Variants in RBMS3 observed in about 807,000 individuals in gnomAD.
RBMS3 encodes RNA binding motif single stranded interacting protein 3, also known as RNA-binding motif, single-stranded-interacting protein 3.
RBMS3 carries 27 observed loss-of-function variants against 66.8 expected under a neutral mutation model. The ratio of observed to expected loss-of-function variants is 0.40; its 90% CI spans 0.30 to 0.56. RBMS3 has a LOEUF of 0.56. Ranked by LOEUF, RBMS3 falls within the 20% of genes least tolerant of loss-of-function variation. The pLI, the probability that RBMS3 is intolerant of heterozygous loss-of-function variation, is 0.40. For missense variants in RBMS3, 513 were observed against 549.5 expected (o/e 0.93, Z 0.66); for synonymous variants, 188 against 183.0 (o/e 1.03, Z -0.22).
chr3:29,865,042 AAGG>A (rs1307850432), intron 6 of RBMS3, among the ~76,000 whole-genome samples: 2 of 124,614 alleles, frequency 1.6e-5, no homozygotes, highest in Non-Finnish European at 3.3e-5. Flanking sequence ...GGGAGGGAGG[AAGG>A]AGGGAAGGAA....
intron 2 of RBMS3, among the ~76,000 whole-genome samples, chr3:29,477,913 G>A (rs1229580907): frequency 6.6e-6 from 1 of 152,070 alleles, no homozygotes; most frequent in Non-Finnish European, 1.5e-5. Context: ...CCACAGGAAT[G>A]CACCACGATG....
chr3:30,000,334 A>G (rs933799955), intron 14 of RBMS3, among the ~76,000 whole-genome samples: 1 of 152,240 alleles, frequency 6.6e-6, no homozygotes, highest in Non-Finnish European at 1.5e-5. Flanking sequence ...CAAAACCACA[A>G]TGAGATACCA....
intron 4 of RBMS3, among the ~76,000 whole-genome samples, chr3:29,595,059 C>T (rs2047896332): frequency 6.6e-6 from 1 of 152,090 alleles, no homozygotes; most frequent in Non-Finnish European, 1.5e-5. Flanking sequence ...TGACTAGGCA[C>T]TTAGTTACTG....
chr3:29,357,418 T>C (rs2037291509), intron 1 of RBMS3, among the ~76,000 whole-genome samples: 1 of 152,240 alleles, frequency 6.6e-6, no homozygotes, highest in Non-Finnish European at 1.5e-5. Flanking sequence ...ATGGTGTATA[T>C]GTGCCACATT....
chr3:29,391,712 T>C (rs969699720), intron 1 of RBMS3, among the ~76,000 whole-genome samples: 1 of 152,166 alleles, frequency 6.6e-6, no homozygotes, highest in Non-Finnish European at 1.5e-5. Flanking sequence ...TGGGAAAAGA[T>C]GTTCATATCA....
intron 4 of RBMS3, among the ~76,000 whole-genome samples, chr3:29,696,515 T>C (rs1481314473): frequency 1.3e-5 from 2 of 152,220 alleles, no homozygotes; most frequent in Admixed American, 6.5e-5. Flanking sequence ...ACACACTGTA[T>C]GAGAACTGGA....
At chr3:29,710,423 C>G (rs760798078) in intron 4 of RBMS3, among the ~76,000 whole-genome samples, 3 of 152,130 alleles carry the variant, frequency 2.0e-5, no homozygotes, top group Non-Finnish European at 4.4e-5. Context: ...TCTCCAGAAG[C>G]CTTATAAGGA....
chr3:29,603,040 G>A (rs780762537), intron 4 of RBMS3, among the ~76,000 whole-genome samples: 1 of 151,810 alleles, frequency 6.6e-6, no homozygotes, highest in Non-Finnish European at 1.5e-5. Context: ...AATTTTGTAC[G>A]GGAGACTATT....
intron 3 of RBMS3, among the ~76,000 whole-genome samples, chr3:29,583,392 G>T (rs2047399273): frequency 6.6e-6 from 1 of 152,158 alleles, no homozygotes; most frequent in South Asian, 2.1e-4. Flanking sequence ...AGCATTATGT[G>T]TTCTTTATAG....
intron 12 of RBMS3, among the ~76,000 whole-genome samples, chr3:29,964,129 A>G (rs1490794855): frequency 6.6e-6 from 1 of 152,218 alleles, no homozygotes; most frequent in East Asian, 1.9e-4. Flanking sequence ...CAGTTATATC[A>G]GATCTTCCTA....
chr3:29,542,586 C>A (rs182235318), intron 3 of RBMS3, among the ~76,000 whole-genome samples: 49 of 152,224 alleles, frequency 3.2e-4, no homozygotes, highest in Non-Finnish European at 1.0e-4. Context: ...GTCTTGAACT[C>A]CTGACCTCAG....
In RBMS3 at chr3:29,474,090, C is replaced by T. The variant is rs566007611; in HGVS notation, c.249-14351C>T. ...CACTAGGATTACAGGCATGAACTAC[C>T]GCGCCCAGCGCCTCTTCTAATTTTT... On this transcript the variant is annotated intron_variant, in intron 2 of 14. Transcript: ENST00000383767. Among the ~76,000 whole-genome samples, 5 of 152,366 alleles carry T rather than the reference C, an allele frequency of 3.3e-5. No individual in the cohort carries two copies. In the East Asian group the frequency reaches 5.8e-4, roughly 18 times the overall value.
chr3:29,432,851 C>T (rs999138067), intron 1 of RBMS3, among the ~76,000 whole-genome samples: 16 of 152,120 alleles, frequency 1.1e-4, no homozygotes, highest in African/African-American at 3.6e-4. Context: ...GGGAGTACCA[C>T]AGTGTCTGGT....
chr3:29,899,391 C>G (rs1001900056), intron 9 of RBMS3, among the ~76,000 whole-genome samples: 1 of 151,662 alleles, frequency 6.6e-6, no homozygotes, highest in Non-Finnish European at 1.5e-5. Flanking sequence ...AGCTGATCTT[C>G]AAATGGTCTC....
At chr3:29,939,139 G>C (rs2061334990) in intron 11 of RBMS3, among the ~76,000 whole-genome samples, 1 of 151,730 alleles carries the variant, frequency 6.6e-6, no homozygotes, top group South Asian at 2.1e-4. Flanking sequence ...CATTTCTTTG[G>C]CTGCTAACAT....
intron 4 of RBMS3, among the ~76,000 whole-genome samples, chr3:29,685,283 C>A (rs1041200154): frequency 3.3e-5 from 5 of 151,916 alleles, no homozygotes; most frequent in African/African-American, 1.2e-4. Flanking sequence ...GGATGGTCTC[C>A]ATCTCCTGAC....
chr3:29,784,093 A>T (rs1000613014), intron 6 of RBMS3, among the ~76,000 whole-genome samples: 2 of 152,178 alleles, frequency 1.3e-5, no homozygotes, highest in African/African-American at 4.8e-5. Flanking sequence ...GCAACACAAT[A>T]ATAGTGGGGA....
rs2035429112 is a variant in RBMS3 at position 29,327,850 on chromosome 3, A to G, written c.75+46094A>G. Among the ~76,000 whole-genome samples the G allele has an allele frequency of 3.3e-5, 5 of 152,212 alleles. 1 individual carries two copies. The South Asian group carries it at 1.0e-3, about 31-fold the overall frequency. ...ACTATTGCCATTTCAGTTCATCAAG[A>G]TTAACACCAAGGAGCTATTATCGAT... On this transcript the variant is annotated intron_variant, in intron 1 of 14. Coordinates refer to ENST00000383767, the MANE Select transcript of RBMS3 (RefSeq NM_001003793.3).
chr3:29,350,161 GAAA>G (rs11401285), intron 1 of RBMS3, among the ~76,000 whole-genome samples: 2 of 136,190 alleles, frequency 1.5e-5, no homozygotes, highest in East Asian at 4.4e-4. Context: ...AACTCCATCT[GAAA>G]AAAAAAAAAA....
Sources: gnomAD v4.1 joint callset for allele counts (sites outside exome capture counted in the v4.1 genomes callset) on GRCh38, gnomAD v4.1.1 for gene constraint, MANE v1.5 for transcripts, NCBI Gene and HGNC (gene_info 2026-07-23, HGNC 2026-07-21) for gene names.